ABCC2: variants seen among roughly 807,000 people sequenced by gnomAD.
ABCC2 encodes ATP-binding cassette sub-family C member 2.
Under a neutral mutation model 173.4 loss-of-function variants are expected in ABCC2, and 157 were observed. That is an observed-to-expected ratio of 0.91 (90% CI 0.80 to 1.03). The LOEUF (loss-of-function observed/expected upper bound fraction) is 1.03, where lower values mean the gene tolerates loss of function less well. ABCC2 is among the 50% of genes least tolerant of loss of function. The pLI is 0.00. For synonymous variants in ABCC2, 657 were observed against 693.5 expected, an observed-to-expected ratio of 0.95 and a Z score of 0.83; for missense variants, 1,822 against 1,852.3, an observed-to-expected ratio of 0.98 and a Z score of 0.30.
chr10:99,790,249 C>G (rs745481193), intron 2 of ABCC2, among the ~76,000 whole-genome samples: 28 of 152,058 alleles, frequency 1.8e-4, no homozygotes, highest in Non-Finnish European at 4.4e-5. Context: ...ATTGGTTAGG[C>G]AAAAATGTTA....
chr10:99,798,757 T>C (rs2132995095), intron 7 of ABCC2, among the ~76,000 whole-genome samples: 1 of 152,258 alleles, frequency 6.6e-6, no homozygotes, highest in African/African-American at 2.4e-5. Flanking sequence ...AGACCTTCTT[T>C]CGAAATAAGG....
rs2039088245 is a variant in ABCC2, at chr10:99,851,556, G to C, written c.4563G>C (p.Leu1521=). 6.2e-7 allele frequency: 1 copy of C among 1,614,024 alleles called. No homozygotes were observed. Among genetic ancestry groups the C allele is most frequent in the African/African-American group, 1.3e-5 (1 of 74,914 alleles). The part of the protein sequence containing the change: ...KIIECGSPEE[L]LQIPGPFYFM... ...TAGAGTGCGGCAGCCCTGAAGAACT[G>C]CTACAAATCCCTGGACCCTTTTACT... Residue 1521 remains leucine, a synonymous_variant, in exon 32 of 32, where the codon CTG becomes CTC. Transcript: ENST00000647814.
intron 19 of ABCC2, among the ~76,000 whole-genome samples, chr10:99,820,780 G>C (rs1426333103): frequency 6.6e-6 from 1 of 152,182 alleles, no homozygotes; most frequent in Non-Finnish European, 1.5e-5. Context: ...ATGTGCTCCA[G>C]GTAGTAGCGT....
rs780765144 is a variant in ABCC2, at chr10:99,811,598, C to G, written c.1963C>G (p.Arg655Gly). Residue 655 changes from arginine to glycine, a missense_variant, in exon 15 of 32, where the codon CGA (arginine) becomes GGA (glycine). Coordinates refer to ENST00000647814, the MANE Select transcript of ABCC2 (RefSeq NM_000392.5). ...TWEHDSEATVRDVNLDIMAGQ... is the reference protein window; with the variant it reads ...TWEHDSEATVGDVNLDIMAGQ... The stretch of plus-strand genomic sequence containing the variant: ...GGAACATGATTCGGAAGCCACAGTC[C>G]GAGAGTGAGTTGCCTTCTTTCCATC... The G allele has an allele frequency of 6.2e-7, 1 of 1,613,930 alleles. No homozygotes were observed. Among genetic ancestry groups the G allele is most frequent in the African/African-American group, 1.3e-5 (1 of 74,882 alleles).
intron 13 of ABCC2, among the ~76,000 whole-genome samples, chr10:99,809,395 A>G (rs1197567000): frequency 6.6e-6 from 1 of 152,166 alleles, no homozygotes; most frequent in East Asian, 1.9e-4. Flanking sequence ...TCAGATGGCG[A>G]TGCAATGTGA....
At chr10:99,848,979 C>T (rs896643261) in intron 30 of ABCC2, among the ~76,000 whole-genome samples, 5 of 152,164 alleles carry the variant, frequency 3.3e-5, no homozygotes, top group African/African-American at 1.2e-4. Flanking sequence ...AATCCCAGCA[C>T]TTTGGGAGGC....
At chr10:99,844,190 A>G in intron 27 of ABCC2, 132 bp from the exon 28 acceptor site, 1 of 1,115,850 alleles carries the variant, frequency 9.0e-7, no homozygotes. Context: ...AGTTCAGCCT[A>G]TTAAATGCAG....
chr10:99,844,675 C>T (rs1408936925), intron 28 of ABCC2, among the ~76,000 whole-genome samples: 1 of 152,090 alleles, frequency 6.6e-6, no homozygotes, highest in East Asian at 1.9e-4. Flanking sequence ...GCTGTCGGGG[C>T]CTTCTGCTCA....
chr10:99,821,389 G>A (rs2038534887), intron 19 of ABCC2, among the ~76,000 whole-genome samples: 1 of 152,088 alleles, frequency 6.6e-6, no homozygotes, highest in South Asian at 2.1e-4. Flanking sequence ...ACCCTTTACG[G>A]GTGTCGGGCT....
At chr10:99,796,718 C>T (rs756437039) in intron 6 of ABCC2, among the ~76,000 whole-genome samples, 1 of 151,958 alleles carries the variant, frequency 6.6e-6, no homozygotes, top group Non-Finnish European at 1.5e-5. Context: ...ACAACAACAA[C>T]AAAAAACCAC....
chr10:99,807,446 A>G lies in ABCC2; in HGVS notation c.1593A>G (p.Lys531=), dbSNP rs777062513. The G allele has an allele frequency of 6.2e-7, 1 of 1,614,158 alleles. No homozygotes were observed. The highest frequency in any genetic ancestry group is 8.5e-7 in the Non-Finnish European group (1 of 1,179,986). ...FRDQVQNLRK[K]ELKNLLAFSQ... Reference sequence around the variant, plus strand: ...ACCAAGTACAAAACCTCCGGAAGAAAGAGCTCAAGAACCTGCTGGCCTTTA... The same window carrying G: ...ACCAAGTACAAAACCTCCGGAAGAAGGAGCTCAAGAACCTGCTGGCCTTTA... The change falls in exon 12 of 32, where the codon AAA becomes AAG. Residue 531 remains lysine (K), a synonymous_variant. Transcript: ENST00000647814.
intron 25 of ABCC2, among the ~76,000 whole-genome samples, chr10:99,837,091 G>C (rs1310909184): frequency 6.7e-6 from 1 of 149,624 alleles, no homozygotes; most frequent in African/African-American, 2.5e-5. Context: ...TACACATGCT[G>C]GAATTATTGG....
chr10:99,798,738 C>T (rs1267356540), intron 7 of ABCC2, among the ~76,000 whole-genome samples: 1 of 152,154 alleles, frequency 6.6e-6, no homozygotes. Flanking sequence ...AATTTGGTTA[C>T]ATCTGCAAAG....
At chr10:99,820,038 C>T (rs1236340130) in intron 19 of ABCC2, among the ~76,000 whole-genome samples, 4 of 152,280 alleles carry the variant, frequency 2.6e-5, no homozygotes, top group South Asian at 4.1e-4. Context: ...GGAGTAGCTA[C>T]ACAGCCTACA....
At position 99,834,652 on chromosome 10, in the gene ABCC2, G is replaced by T. The variant is rs4581377; in HGVS notation, c.3414+117G>T. On this transcript the variant is annotated intron_variant, in intron 24 of 31. Transcript: ENST00000647814. ...TAGTCACTCACTCCTCCCCTCAGCA[G>T]CTTTGCCATTTAGTCATATGTTGAC... 9,033 of 1,296,568 alleles carry T rather than the reference G, an allele frequency of 7.0e-3. 485 individuals are homozygous for T. The African/African-American group carries it at 0.11, about 16-fold the overall frequency. 80.3% of individuals were successfully genotyped at this position (1,296,568 alleles called of 1,614,324 possible).
chr10:99,844,000 T>A, intron 27 of ABCC2, 100 bp downstream of exon 27: 1 of 1,010,650 alleles, frequency 9.9e-7, no homozygotes, highest in South Asian at 1.3e-5. Flanking sequence ...CATGGGCCCA[T>A]AATGGGTCCC....
At chr10:99,794,609 A>T in intron 6 of ABCC2, 141 bp downstream of exon 6, 1 of 781,326 alleles carries the variant, frequency 1.3e-6, no homozygotes, top group East Asian at 2.9e-5. Flanking sequence ...CAATGGTGTG[A>T]TCTTGGCTCA....
chr10:99,793,339 G>A (rs761632067), intron 3 of ABCC2, among the ~76,000 whole-genome samples: 7 of 152,092 alleles, frequency 4.6e-5, no homozygotes, highest in Non-Finnish European at 8.8e-5. Context: ...ACTCAAGTGT[G>A]GTCCATGGAG....
chr10:99,810,033 T>A, intron 13 of ABCC2, 101 bp from the exon 14 acceptor site: 2 of 1,079,182 alleles, frequency 1.9e-6, no homozygotes, highest in South Asian at 1.3e-5. Context: ...AGATGCCAGC[T>A]GTGGCAAATA....
Sources: gnomAD v4.1 joint callset for allele counts (sites outside exome capture counted in the v4.1 genomes callset) on GRCh38, gnomAD v4.1.1 for gene constraint, MANE v1.5 for transcripts, NCBI Gene and HGNC (gene_info 2026-07-23, HGNC 2026-07-21) for gene names.